The following COL21A1 variants were observed in gnomAD, a reference collection of about 807,000 sequenced individuals.
The protein encoded by COL21A1 is collagen alpha-1(XXI) chain.
COL21A1 carries 149 observed loss-of-function variants against 137.9 expected under a neutral mutation model. The observed-to-expected ratio is 1.08, with a 90% CI of 0.95 to 1.24. The LOEUF is 1.24. COL21A1 is among the 50% of genes most tolerant of loss of function. The pLI is 0.00. For synonymous variants in COL21A1, 456 were observed against 391.5 expected (o/e 1.16, Z -1.95); for missense variants, 1,167 against 1,158.4 (o/e 1.01, Z -0.11).
chr6:56,261,227 C>T (rs531863576), intron 1 of COL21A1, among the ~76,000 whole-genome samples: 4 of 152,048 alleles, frequency 2.6e-5, no homozygotes, highest in Non-Finnish European at 5.9e-5. Context: ...GGAGCGCCTC[C>T]CTCAGTTTTG....
At chr6:56,292,074 C>CA in intron 1 of COL21A1, among the ~76,000 whole-genome samples, 1 of 152,084 alleles carries the variant, frequency 6.6e-6, no homozygotes. Flanking sequence ...GAGGCTGAGG[C>CA]AGGAGAATAG....
At chr6:56,265,885 G>C (rs900316855) in intron 1 of COL21A1, among the ~76,000 whole-genome samples, 1 of 151,884 alleles carries the variant, frequency 6.6e-6, no homozygotes, top group Non-Finnish European at 1.5e-5. Context: ...AAAAGCTTTA[G>C]AAGAAAATTA....
intron 1 of COL21A1, among the ~76,000 whole-genome samples, chr6:56,284,991 A>G (rs1416813603): frequency 1.3e-5 from 2 of 152,176 alleles, no homozygotes; most frequent in African/African-American, 2.4e-5. Flanking sequence ...GTGCAGCTAA[A>G]TGTTAAGAGC....
At chr6:56,078,345 T>C (rs186678296) in intron 17 of COL21A1, among the ~76,000 whole-genome samples, 71 of 151,762 alleles carry the variant, frequency 4.7e-4, no homozygotes, top group African/African-American at 1.5e-3. Context: ...ACTAATCAAT[T>C]TTTGCTTTTT....
chr6:56,077,453 A>G, intron 18 of COL21A1, 76 bp downstream of exon 18: 1 of 952,106 alleles, frequency 1.1e-6, no homozygotes, highest in South Asian at 1.6e-5. Context: ...ACAAATGTAA[A>G]ACTGTATTTT....
In COL21A1 at chr6:56,348,032, G is replaced by A. The variant is rs16887820; in HGVS notation, c.-39+45939C>T. ...CATTACTACATACAGGAGTAGGCAG[G>A]ACCAGCATATACAGAGGAGGAATAC... On this transcript the variant is annotated intron_variant, in intron 1 of 28. Coordinates refer to the COL21A1 transcript ENST00000370819. Among the ~76,000 whole-genome samples, 506 of 152,220 alleles carry A rather than the reference G, an allele frequency of 3.3e-3. 23 individuals are homozygous for A. In the East Asian group the frequency reaches 0.085, roughly 26 times the overall value.
Position 56,173,380 on chromosome 6 carries a change from G to T in COL21A1, c.641-2252C>A, listed in dbSNP as rs9357893. 2.0e-5 allele frequency among the ~76,000 whole-genome samples: 3 copies of T among 150,072 alleles called. No homozygotes were observed. In the East Asian group the frequency reaches 6.0e-4, roughly 30 times the overall value. On this transcript the variant is annotated intron_variant, in intron 3 of 29. Transcript: ENST00000244728. ...GCAACAGAATGAGACAAAGGAAAGG[G>T]AAAGGAGAAGGGGAAGGGGAAGGAA... is the stretch of plus-strand genomic sequence containing the variant.
At chr6:56,318,690 T>C (rs1764798908) in intron 1 of COL21A1, among the ~76,000 whole-genome samples, 1 of 152,022 alleles carries the variant, frequency 6.6e-6, no homozygotes, top group Non-Finnish European at 1.5e-5. Flanking sequence ...TGGATCCTCT[T>C]CCTCTTACCT....
chr6:56,265,199 G>A (rs547412938), intron 1 of COL21A1, among the ~76,000 whole-genome samples: 1 of 152,316 alleles, frequency 6.6e-6, no homozygotes, highest in East Asian at 1.9e-4. Context: ...AGTTTGCCAT[G>A]GGTCAAGTGG....
Position 56,057,807 on chromosome 6 carries a change from A to T in COL21A1, c.2724T>A (p.Pro908=). 16 of 1,594,050 alleles carry T rather than the reference A, an allele frequency of 1.0e-5. No individual in the cohort carries two copies. The highest frequency in any genetic ancestry group is 1.4e-5 in the Non-Finnish European group (16 of 1,171,328). Residue 908 remains proline (P), a synonymous_variant, in exon 30 of 30, where the codon CCT becomes CCA. Transcript: ENST00000244728. Reference sequence around the variant, plus strand: ...TGCCAGGGAGACCTGGGTCTCCTGGAGGACCTTCTTTGCTTATTCCAGGAG... The same window carrying T: ...TGCCAGGGAGACCTGGGTCTCCTGGTGGACCTTCTTTGCTTATTCCAGGAG... ...EGPPGISKEG[P]PGDPGLPGKD...
intron 1 of COL21A1, among the ~76,000 whole-genome samples, chr6:56,302,888 T>C (rs1011377070): frequency 1.3e-5 from 2 of 152,164 alleles, no homozygotes; most frequent in African/African-American, 4.8e-5. Context: ...CTTTAATCCA[T>C]CTTGAATTAA....
At chr6:56,138,770 C>A (rs1774187867) in intron 12 of COL21A1, among the ~76,000 whole-genome samples, 2 of 152,034 alleles carry the variant, frequency 1.3e-5, no homozygotes, top group South Asian at 4.1e-4. Flanking sequence ...AAAGGCAAAC[C>A]TTTTGGAGCA....
At chr6:56,300,923 T>G (rs1764264660) in intron 1 of COL21A1, among the ~76,000 whole-genome samples, 2 of 152,192 alleles carry the variant, frequency 1.3e-5, no homozygotes. Context: ...AGTCTTTCTA[T>G]TTATCTTATT....
intron 1 of COL21A1, among the ~76,000 whole-genome samples, chr6:56,371,076 A>C (rs529083295): frequency 6.6e-6 from 1 of 152,320 alleles, no homozygotes; most frequent in Non-Finnish European, 1.5e-5. Flanking sequence ...TCTGCTCACC[A>C]GTTACTCATG....
chr6:56,273,728 A>C (rs927406699), intron 1 of COL21A1, among the ~76,000 whole-genome samples: 18 of 152,194 alleles, frequency 1.2e-4, no homozygotes, highest in African/African-American at 4.1e-4. Context: ...TGAATTAGTA[A>C]TAATAAACCA....
chr6:56,240,794 C>A (rs1307791779), intron 1 of COL21A1, among the ~76,000 whole-genome samples: 1 of 152,116 alleles, frequency 6.6e-6, no homozygotes, highest in Non-Finnish European at 1.5e-5. Flanking sequence ...ATTTCCCAGC[C>A]CAGGGTCTTC....
chr6:56,208,982 C>A (rs1779977341), intron 1 of COL21A1, among the ~76,000 whole-genome samples: 1 of 152,228 alleles, frequency 6.6e-6, no homozygotes, highest in Admixed American at 6.5e-5. Context: ...ATGCAGAAAG[C>A]TGAAACTGGA....
chr6:56,190,217 G>T (rs1452634021), intron 1 of COL21A1, among the ~76,000 whole-genome samples: 1 of 152,070 alleles, frequency 6.6e-6, no homozygotes, highest in Non-Finnish European at 1.5e-5. Context: ...AAGAAGAAAA[G>T]AGAAGAATCA....
In COL21A1 at chr6:56,179,809, TAGTC is replaced by T. The variant is rs769389493; in HGVS notation, c.405_408del (p.Thr136ArgfsTer2). 2.5e-6 allele frequency: 4 copies of T among 1,613,848 alleles called. No individual in the cohort carries two copies. The highest frequency in any genetic ancestry group is 3.4e-6 in the Non-Finnish European group (4 of 1,179,876). ...CCATCCGTAAGTACCACTGCTATCT[TAGTC>T]AGAAATCGTGAGGACTTGGCAAAAA... On this transcript the variant is annotated frameshift_variant, in exon 3 of 30. Transcript: ENST00000244728. LOFTEE classifies it high-confidence loss of function.
Sources: allele counts gnomAD v4.1 joint callset (sites outside exome capture counted in the v4.1 genomes callset), GRCh38; gene constraint gnomAD v4.1.1; transcripts MANE v1.5; gene names NCBI Gene and HGNC (gene_info 2026-07-23, HGNC 2026-07-21).